The following CCDC141 variants were observed in gnomAD, a reference collection of about 807,000 sequenced individuals.
CCDC141 encodes coiled-coil domain-containing protein 141.
A neutral mutation model predicts 181.0 loss-of-function variants in CCDC141; 168 were observed. That is an observed-to-expected ratio of 0.93 (90% CI 0.82 to 1.05). The LOEUF (loss-of-function observed/expected upper bound fraction) is 1.05. CCDC141 is among the 50% of genes least tolerant of loss of function. The probability of loss-of-function intolerance (pLI) is 0.00; values close to 1 mark genes in which losing one functional copy is unlikely to be tolerated. For synonymous variants in CCDC141, 666 were observed against 642.3 expected, an observed-to-expected ratio of 1.04 and a Z score of -0.56; for missense variants, 1,902 against 1,788.5, an observed-to-expected ratio of 1.06 and a Z score of -1.14.
chr2:178,834,228 G>T lies in CCDC141; in HGVS notation c.4538C>A (p.Thr1513Asn), dbSNP rs1184789990. 4 of 1,536,256 alleles carry T rather than the reference G, an allele frequency of 2.6e-6. No individual in the cohort carries two copies. The highest frequency in any genetic ancestry group is 3.5e-6 in the Non-Finnish European group (4 of 1,146,862). Residue 1513 changes from threonine (T) to asparagine (N), a missense_variant, in exon 24 of 24, where the codon ACC (threonine) becomes AAC (asparagine). Thr to Asn is a moderately conservative substitution (Grantham distance 65, BLOSUM62 0). Coordinates refer to ENST00000443758, the MANE Select transcript of CCDC141 (RefSeq NM_173648.4). ...RLPITRVNWITLCVVYVSVSL... is the reference protein window; with the variant it reads ...RLPITRVNWINLCVVYVSVSL... ...CACACTAACATAGACGACACACAGG[G>T]TTATCCAGTTTACTCTTGTGATTGG...
chr2:178,953,810 G>A (rs1354245833), intron 5 of CCDC141, among the ~76,000 whole-genome samples: 1 of 152,194 alleles, frequency 6.6e-6, no homozygotes, highest in African/African-American at 2.4e-5. Context: ...CTAGTTAGAA[G>A]GTGGCATCAT....
chr2:178,823,845 G>T, the CCDC141 span, among the ~76,000 whole-genome samples: 1 of 152,076 alleles, frequency 6.6e-6, no homozygotes, highest in East Asian at 1.9e-4. Context: ...AACTGGAATT[G>T]TGCTGAGTCT....
chr2:178,853,332 G>T, intron 20 of CCDC141, 109 bp downstream of exon 20: 2 of 899,320 alleles, frequency 2.2e-6, no homozygotes, highest in Non-Finnish European at 3.5e-6. Context: ...TGAATACACT[G>T]GTGTGCTGAG....
chr2:179,050,089 G>A lies in CCDC141; in HGVS notation c.-148C>T. 1.6e-6 allele frequency: 2 copies of A among 1,270,582 alleles called. No individual in the cohort carries two copies. Among genetic ancestry groups the A allele is most frequent in the East Asian group, 5.2e-5 (2 of 38,762 alleles). The allele number at this position is 1,270,582 out of a possible 1,614,324, so 78.7% of individuals were successfully genotyped here. On this transcript the variant is annotated 5_prime_UTR_variant, in exon 1 of 24. Transcript: ENST00000443758. ...ACTCTGCCAAAAGGAAAGAACAGGAGGTTAAAAATAGACAACCCCATTGAG... is the reference window on the plus strand; with the variant it reads ...ACTCTGCCAAAAGGAAAGAACAGGAAGTTAAAAATAGACAACCCCATTGAG...
rs994971782 is a variant in CCDC141, at chr2:178,869,208, A to G, written c.2303T>C (p.Leu768Pro). The change falls in exon 15 of 24, where the codon CTT becomes CCT. Residue 768 changes from leucine to proline, a missense_variant. Coordinates refer to ENST00000443758, the MANE Select transcript of CCDC141 (RefSeq NM_173648.4). ...TTTCTGTTTTTGATGGAAGTGAATA[A>G]GGTCCTTCAGTTGTTGAGACTTTTC... ...VKEKSQQLKD[L>P]IHFHQKQKER... 1.2e-6 allele frequency: 2 copies of G among 1,613,620 alleles called. No homozygotes were observed. The highest frequency in any genetic ancestry group is 2.7e-5 in the African/African-American group (2 of 74,906).
At position 178,887,044 on chromosome 2, in the gene CCDC141, G is replaced by A. The variant is rs62177297; in HGVS notation, c.1408-173C>T. ...ATTCAGAATTTCATGTTTTAATAAC[G>A]CTGCTCTTCATAGGAGGTAATACTT... On this transcript the variant is annotated intron_variant, in intron 9 of 23. Coordinates refer to ENST00000443758, the MANE Select transcript of CCDC141 (RefSeq NM_173648.4). 0.11 allele frequency among the ~76,000 whole-genome samples: 17,266 copies of A among 152,112 alleles called. 1,240 individuals carry two copies. Among genetic ancestry groups the A allele is most frequent in the Middle Eastern group, 0.19 (56 of 294 alleles).
At chr2:179,015,264 C>CATAT (rs57926916) in intron 2 of CCDC141, among the ~76,000 whole-genome samples, 3 of 130,056 alleles carry the variant, frequency 2.3e-5, no homozygotes, top group East Asian at 4.6e-4. Context: ...TCATATATAT[C>CATAT]ATATATATCT....
At chr2:178,877,935 A>T in intron 12 of CCDC141, 29 bp downstream of exon 12, 1 of 1,577,574 alleles carries the variant, frequency 6.3e-7, no homozygotes, top group South Asian at 1.1e-5. Context: ...TCCCTGCAGA[A>T]GGTGTGATCC....
intron 11 of CCDC141, among the ~76,000 whole-genome samples, chr2:178,878,449 C>A (rs528230931): frequency 6.7e-6 from 1 of 149,026 alleles, no homozygotes; most frequent in African/African-American, 2.5e-5. Flanking sequence ...AAACTGCAGA[C>A]TATAGGCACC....
In CCDC141 at chr2:178,961,256, A is replaced by G. The variant is rs1210921587; in HGVS notation, c.754T>C (p.Cys252Arg). The change falls in exon 5 of 24, where the codon TGT becomes CGT. Residue 252 changes from cysteine (C) to arginine (R), a missense_variant. Coordinates refer to ENST00000443758, the MANE Select transcript of CCDC141 (RefSeq NM_173648.4). ...TGGTTTTCTTGTTGGTCCCACTGAC[A>G]TATCTGCAGAACTTGACTCAATTCT... ...WQELSQVLQI[C>R]QWDQQENQVT... 1.9e-6 allele frequency: 3 copies of G among 1,550,426 alleles called. No homozygotes were observed. The highest frequency in any genetic ancestry group is 2.6e-6 in the Non-Finnish European group (3 of 1,146,858).
chr2:178,939,967 C>A (rs182503793), intron 6 of CCDC141, among the ~76,000 whole-genome samples: 1 of 152,244 alleles, frequency 6.6e-6, no homozygotes, highest in African/African-American at 2.4e-5. Context: ...ACAAGCAACA[C>A]TGAAATACAG....
chr2:178,876,611 T>C (rs1006717822), intron 12 of CCDC141: 1 of 152,214 alleles, frequency 6.6e-6, no homozygotes, highest in African/African-American at 2.4e-5. Flanking sequence ...GGAGCATTCA[T>C]GATTATTTTA....
chr2:179,029,553 A>G (rs1338356775), intron 2 of CCDC141, among the ~76,000 whole-genome samples: 2 of 152,184 alleles, frequency 1.3e-5, no homozygotes, highest in African/African-American at 2.4e-5. Context: ...GCAATATTTC[A>G]TATCCACAAT....
rs568272336 is a variant in CCDC141, at chr2:179,031,360, C to T, written c.225+15924G>A. 4.3e-4 allele frequency among the ~76,000 whole-genome samples: 66 copies of T among 151,824 alleles called. 1 individual carries two copies. The highest frequency in any genetic ancestry group is 3.9e-4 in the East Asian group (2 of 5,164). ...GGTTTATAGTGATACCCATCTTTTA[C>T]GCCTAATATTAATAATTTTTGCCCT... On this transcript the variant is annotated intron_variant, in intron 2 of 23. Coordinates refer to ENST00000443758, the MANE Select transcript of CCDC141 (RefSeq NM_173648.4).
intron 2 of CCDC141, among the ~76,000 whole-genome samples, chr2:179,009,314 T>A (rs528758992): frequency 6.6e-6 from 1 of 152,266 alleles, no homozygotes; most frequent in East Asian, 1.9e-4. Context: ...TAAATAGTTC[T>A]CCCCCCTGGG....
intron 17 of CCDC141, among the ~76,000 whole-genome samples, chr2:178,862,074 T>C (rs1331738377): frequency 6.6e-6 from 1 of 152,204 alleles, no homozygotes; most frequent in Non-Finnish European, 1.5e-5. Flanking sequence ...ACACTATTCC[T>C]CTATTCTAAT....
downstream of CCDC141, among the ~76,000 whole-genome samples, chr2:178,829,420 A>C (rs1052316619): frequency 3.9e-5 from 6 of 152,236 alleles, no homozygotes; most frequent in Admixed American, 2.6e-4. Flanking sequence ...GAGGAGGGTC[A>C]TGCCTCCAAC....
chr2:178,945,766 C>T (rs138399326), intron 5 of CCDC141, among the ~76,000 whole-genome samples: 1 of 151,996 alleles, frequency 6.6e-6, no homozygotes, highest in Non-Finnish European at 1.5e-5. Flanking sequence ...AATCCTATAA[C>T]ATGGAGAAAT....
intron 2 of CCDC141, among the ~76,000 whole-genome samples, chr2:179,008,873 C>T (rs909246219): frequency 1.3e-5 from 2 of 152,168 alleles, no homozygotes; most frequent in Non-Finnish European, 2.9e-5. Flanking sequence ...AATCAGGTCA[C>T]TCCTCAGGCT....
Sources: gnomAD v4.1 joint callset for allele counts (sites outside exome capture counted in the v4.1 genomes callset) on GRCh38, gnomAD v4.1.1 for gene constraint, MANE v1.5 for transcripts, NCBI Gene and HGNC (gene_info 2026-07-23, HGNC 2026-07-21) for gene names.